Variants in MTMR10 observed in about 807,000 individuals in gnomAD.
The protein encoded by MTMR10 is myotubularin related protein 10.
A neutral mutation model predicts 88.1 loss-of-function variants in MTMR10; 56 were observed. The ratio of observed to expected loss-of-function variants is 0.64; its 90% CI spans 0.51 to 0.79. The LOEUF is 0.79. MTMR10 is among the 30% of genes least tolerant of loss of function. The pLI is 0.00. For missense variants in MTMR10, 883 were observed against 924.7 expected (o/e 0.95, Z 0.58); for synonymous variants, 380 against 340.9 (o/e 1.11, Z -1.26).
intron 2 of MTMR10, among the ~76,000 whole-genome samples, chr15:30,989,920 G>A (rs541690439): frequency 6.6e-6 from 1 of 152,122 alleles, no homozygotes; most frequent in Non-Finnish European, 1.5e-5. Context: ...CTAAGTATCT[G>A]GCTACTTCCC....
downstream of MTMR10, among the ~76,000 whole-genome samples, chr15:30,935,602 T>TAA (rs1356884756): frequency 4.9e-5 from 3 of 61,028 alleles, no homozygotes; most frequent in African/African-American, 1.1e-4. Flanking sequence ...TGCCATTTTA[T>TAA]ATCAGGGACT....
chr15:30,980,757 G>A (rs1296765051), intron 2 of MTMR10, among the ~76,000 whole-genome samples: 7 of 151,890 alleles, frequency 4.6e-5, no homozygotes, highest in East Asian at 3.9e-4. Context: ...GAAGAAAAGC[G>A]GGGGGACGGC....
In MTMR10 at chr15:30,991,558, A is replaced by C. The variant is rs2031335797; in HGVS notation, c.-52T>G. 15 of 1,525,070 alleles carry C rather than the reference A, an allele frequency of 9.8e-6. No individual in the cohort carries two copies. The highest frequency in any genetic ancestry group is 2.9e-5 in the African/African-American group (2 of 68,682). 94.5% of individuals were successfully genotyped at this position (1,525,070 alleles called of 1,614,324 possible). A position where few individuals can be genotyped will look rare whatever the true frequency, so the allele number is the denominator to read the frequency against. Reference sequence around the variant, plus strand: ...CCGTCGCGGGCCAGTGGCAGCGCCGACGCCTCCGGGCGTAAAGCTCTCAGT... The same window carrying C: ...CCGTCGCGGGCCAGTGGCAGCGCCGCCGCCTCCGGGCGTAAAGCTCTCAGT... On this transcript the variant is annotated 5_prime_UTR_variant, in exon 1 of 16. Transcript: ENST00000435680.
chr15:30,990,694 A>T, intron 2 of MTMR10, 83 bp downstream of exon 2: 1 of 1,166,792 alleles, frequency 8.6e-7, no homozygotes, highest in Non-Finnish European at 1.2e-6. Context: ...AAGGGAAGTT[A>T]ACCACATGAT....
At chr15:30,927,667 G>C in the MTMR10 span, 68 of 985,540 alleles carry the variant, frequency 6.9e-5, no homozygotes, top group Non-Finnish European at 8.2e-5. Context: ...ATGTCAGGAT[G>C]GGGGTCTGGT....
the MTMR10 span, chr15:30,925,663 C>T: frequency 5.6e-5 from 60 of 1,074,950 alleles, no homozygotes; most frequent in East Asian, 1.4e-4. Context: ...GTGAGCCCCA[C>T]GCTGTGTGCT....
In MTMR10 at chr15:30,977,116, A is replaced by G. The variant is rs371777057; in HGVS notation, c.122-161T>C. On this transcript the variant is annotated intron_variant, in intron 2 of 15. Transcript: ENST00000435680. ...GGCACTGTATGGTCATAAAGTGAATAGTAATGACAAGGCATTGTTCTCCAA... is the reference window on the plus strand; with the variant it reads ...GGCACTGTATGGTCATAAAGTGAATGGTAATGACAAGGCATTGTTCTCCAA... 6.6e-5 allele frequency among the ~76,000 whole-genome samples: 10 copies of G among 152,348 alleles called. No homozygotes were observed. In the East Asian group the frequency reaches 7.7e-4, roughly 12 times the overall value.
chr15:30,935,814 A>G (rs1441395584), downstream of MTMR10, among the ~76,000 whole-genome samples: 25 of 152,234 alleles, frequency 1.6e-4, no homozygotes, highest in Admixed American at 1.6e-3. Flanking sequence ...TCTTCTAACT[A>G]GCATGGTTTC....
chr15:30,952,342 T>C (rs1402820724), intron 11 of MTMR10, among the ~76,000 whole-genome samples: 1 of 152,248 alleles, frequency 6.6e-6, no homozygotes, highest in Non-Finnish European at 1.5e-5. Flanking sequence ...CTTATACGAT[T>C]TCTCAAAGGA....
At chr15:30,930,018 TATA>T in the MTMR10 span, among the ~76,000 whole-genome samples, 120 of 136,982 alleles carry the variant, frequency 8.8e-4, no homozygotes, top group African/African-American at 2.9e-3. Context: ...GTATAAAATA[TATA>T]ATAATATATA....
At chr15:30,955,528 C>T (rs570450989) in intron 9 of MTMR10, among the ~76,000 whole-genome samples, 35 of 152,086 alleles carry the variant, frequency 2.3e-4, no homozygotes, top group African/African-American at 8.2e-4. Flanking sequence ...CCTTGGCCTC[C>T]CAAAGTGCTG....
chr15:30,959,041 C>T lies in MTMR10; in HGVS notation c.839G>A (p.Arg280Lys), dbSNP rs370467227. 3 of 1,613,542 alleles carry T rather than the reference C, an allele frequency of 1.9e-6. No homozygotes were observed. The African/African-American group carries it at 4.0e-5, about 22-fold the overall frequency. ...CCAACAGAAATCACTTACTGGCATC[C>T]TTCTCCCAACAAAAGAATGGGAAAA... Reference protein sequence around the residue: ...KIFSHSFVGRRMPLWCWSHSN... With the variant: ...KIFSHSFVGRKMPLWCWSHSN... The change falls in exon 8 of 16, where the codon AGG becomes AAG. Residue 280 changes from arginine (R) to lysine (K), a missense_variant. By Grantham distance (26) the Arg-to-Lys change is conservative. Transcript: ENST00000435680.
the MTMR10 span, among the ~76,000 whole-genome samples, chr15:30,919,426 C>T: frequency 1.3e-5 from 2 of 148,960 alleles, no homozygotes; most frequent in Non-Finnish European, 3.0e-5. Context: ...CGTGGTGGCT[C>T]ATGCCTGTAA....
intron 2 of MTMR10, among the ~76,000 whole-genome samples, chr15:30,988,450 G>A (rs983884633): frequency 3.3e-5 from 5 of 152,164 alleles, no homozygotes; most frequent in Non-Finnish European, 7.4e-5. Context: ...ATTCCTTAAT[G>A]GGCAACTAAA....
At chr15:30,973,186 C>G (rs2063557848) in intron 5 of MTMR10, among the ~76,000 whole-genome samples, 2 of 152,110 alleles carry the variant, frequency 1.3e-5, no homozygotes, top group African/African-American at 4.8e-5. Flanking sequence ...CACAATCGAA[C>G]AGGTGAAAGA....
intron 12 of MTMR10, 128 bp from the exon 13 acceptor site, chr15:30,948,599 A>G: frequency 2.3e-6 from 2 of 856,544 alleles, no homozygotes; most frequent in Non-Finnish European, 3.6e-6. Context: ...GTATAAGGAA[A>G]TTTTACTGGA....
chr15:30,956,000 TG>T (rs2063322664), intron 9 of MTMR10, among the ~76,000 whole-genome samples: 1 of 51,554 alleles, frequency 1.9e-5, no homozygotes, highest in African/African-American at 5.1e-5. Context: ...ACCCTGCTGT[TG>T]TTTTTTTTTT....
intron 15 of MTMR10, 139 bp from the exon 16 acceptor site, chr15:30,942,211 T>C: frequency 2.8e-6 from 3 of 1,071,100 alleles, no homozygotes; most frequent in Middle Eastern, 3.0e-4. Flanking sequence ...CCTTCCTTTG[T>C]GTCCTTATTC....
chr15:30,946,486 G>A (rs1322734187), intron 14 of MTMR10: 3 of 442,922 alleles, frequency 6.8e-6, no homozygotes, highest in South Asian at 3.7e-5. Context: ...AGGGCCTTAC[G>A]GCTGAGGCTG....
Sources: gnomAD v4.1 joint callset for allele counts (sites outside exome capture counted in the v4.1 genomes callset) on GRCh38, gnomAD v4.1.1 for gene constraint, MANE v1.5 for transcripts, NCBI Gene and HGNC (gene_info 2026-07-23, HGNC 2026-07-21) for gene names.